The following CCDC85C variants were observed in gnomAD, a reference collection of about 807,000 sequenced individuals.
CCDC85C encodes the protein coiled-coil domain-containing protein 85C.
In CCDC85C, 18 loss-of-function variants were observed where a neutral mutation model predicts 38.3. The ratio of observed to expected loss-of-function variants is 0.47; its 90% confidence interval spans 0.33 to 0.70. CCDC85C has a LOEUF of 0.70. Among genes scored for constraint, CCDC85C ranks in the 30% least tolerant of loss-of-function variants. CCDC85C has a pLI of 0.03. For missense variants in CCDC85C, 566 were observed against 621.2 expected (o/e 0.91, Z 0.94); for synonymous variants, 264 against 293.8 (o/e 0.90, Z 1.04).
At chr14:99,515,828 A>G (rs960289129) in intron 5 of CCDC85C, among the ~76,000 whole-genome samples, 2 of 151,834 alleles carry the variant, frequency 1.3e-5, no homozygotes, top group Non-Finnish European at 2.9e-5. Flanking sequence ...CAGCAGCCAC[A>G]GGGGGCACCA....
In CCDC85C at chr14:99,515,117, CG is replaced by C; in HGVS notation, c.*128del. On this transcript the variant is annotated 3_prime_UTR_variant, in exon 6 of 6. Coordinates refer to ENST00000380243, the MANE Select transcript of CCDC85C (RefSeq NM_001144995.2). Reference sequence around the variant, plus strand: ...ATGGCAGCTGGGCCAGGGCGGGCAGCGTCCTATGTACAGTTCACCACAGAGG... The same window carrying C: ...ATGGCAGCTGGGCCAGGGCGGGCAGCTCCTATGTACAGTTCACCACAGAGG... 1.5e-6 allele frequency: 1 copy of C among 657,092 alleles called. No homozygotes were observed. The highest frequency in any genetic ancestry group is 2.6e-6 in the Non-Finnish European group (1 of 391,772). 40.7% of individuals were successfully genotyped at this position (657,092 alleles called of 1,614,324 possible).
intron 1 of CCDC85C, among the ~76,000 whole-genome samples, chr14:99,601,853 T>C (rs535832999): frequency 1.1e-4 from 17 of 152,094 alleles, no homozygotes; most frequent in African/African-American, 4.1e-4. Flanking sequence ...AGGCTCAGGA[T>C]GGTAAATAAA....
intron 1 of CCDC85C, among the ~76,000 whole-genome samples, chr14:99,563,707 C>T (rs936595424): frequency 6.6e-6 from 1 of 152,226 alleles, no homozygotes; most frequent in Non-Finnish European, 1.5e-5. Context: ...ACATAAATCA[C>T]CCACTCCCGT....
chr14:99,578,107 A>AGTGTGT (rs58957780), intron 1 of CCDC85C, among the ~76,000 whole-genome samples: 7 of 76,102 alleles, frequency 9.2e-5, no homozygotes, highest in Admixed American at 4.0e-4. Context: ...ATCCCCCATC[A>AGTGTGT]GTGTGTGTGT....
At chr14:99,540,108 A>C (rs956360065) in intron 1 of CCDC85C, among the ~76,000 whole-genome samples, 2 of 152,068 alleles carry the variant, frequency 1.3e-5, no homozygotes, top group African/African-American at 4.8e-5. Context: ...AGATCACGCC[A>C]CTGCAGTCCA....
intron 1 of CCDC85C, among the ~76,000 whole-genome samples, chr14:99,551,101 C>CTT (rs2139937013): frequency 6.6e-6 from 1 of 152,350 alleles, no homozygotes; most frequent in Admixed American, 6.5e-5. Context: ...AGTACTGGAA[C>CTT]CACTAGCTGC....
intron 1 of CCDC85C, among the ~76,000 whole-genome samples, chr14:99,567,171 G>A (rs1002126758): frequency 3.5e-5 from 5 of 141,856 alleles, no homozygotes; most frequent in African/African-American, 1.4e-4. Context: ...GCTGATGTAG[G>A]AGGACAGATG....
chr14:99,515,447 G>T, intron 5 of CCDC85C, 112 bp from the exon 6 acceptor site: 3 of 744,550 alleles, frequency 4.0e-6, no homozygotes, highest in African/African-American at 1.7e-5. Context: ...GAGCCATGGG[G>T]CCAGGAGGGA....
intron 1 of CCDC85C, among the ~76,000 whole-genome samples, chr14:99,601,343 C>T (rs2055196726): frequency 6.6e-6 from 1 of 152,168 alleles, no homozygotes; most frequent in Non-Finnish European, 1.5e-5. Context: ...GTGGAAAACT[C>T]AGTGTAGCCT....
chr14:99,591,807 T>C (rs1489508208), intron 1 of CCDC85C, among the ~76,000 whole-genome samples: 5 of 149,918 alleles, frequency 3.3e-5, no homozygotes, highest in Non-Finnish European at 7.4e-5. Flanking sequence ...TGACCTCCGC[T>C]CACGGCAACC....
chr14:99,601,765 G>A (rs962502268), intron 1 of CCDC85C, among the ~76,000 whole-genome samples: 1 of 152,176 alleles, frequency 6.6e-6, no homozygotes, highest in African/African-American at 2.4e-5. Context: ...GTGTTACAAA[G>A]AGAAACCTGA....
At chr14:99,564,566 T>C (rs921268305) in intron 1 of CCDC85C, among the ~76,000 whole-genome samples, 1 of 152,224 alleles carries the variant, frequency 6.6e-6, no homozygotes, top group African/African-American at 2.4e-5. Flanking sequence ...TCTCATCTTG[T>C]AATGTCTCTA....
chr14:99,587,772 T>C (rs1189605097), intron 1 of CCDC85C, among the ~76,000 whole-genome samples: 1 of 152,252 alleles, frequency 6.6e-6, no homozygotes, highest in East Asian at 1.9e-4. Context: ...CTGTGCCCCC[T>C]TACTGCACGG....
rs2055241958 is a variant in CCDC85C at position 99,603,922 on chromosome 14, T to TCCGACG, written c.32_37dup (p.Ala11_Ser12dup). On this transcript the variant is annotated inframe_insertion, in exon 1 of 6. Transcript: ENST00000380243. The surrounding 1 kb of genome is among the most constrained non-coding windows in gnomAD (Gnocchi z 7.5). The stretch of plus-strand genomic sequence containing the variant: ...CTCGTCCGGCACCTGGCTCAGCTCC[T>TCCGACG]CCGACGCCGCCGCCGCCGTCGCCGC... 1 of 1,428,146 alleles carries TCCGACG rather than the reference T, an allele frequency of 7.0e-7. No homozygotes were observed. Among genetic ancestry groups the TCCGACG allele is most frequent in the East Asian group, 3.0e-5 (1 of 33,062 alleles). 88.5% of individuals were successfully genotyped at this position (1,428,146 alleles called of 1,614,324 possible). A position where few individuals can be genotyped will look rare whatever the true frequency, so the allele number is the denominator to read the frequency against.
Position 99,514,915 on chromosome 14 carries a change from A to G in CCDC85C, c.*331T>C, listed in dbSNP as rs1313755548. 1 of 259,980 alleles carries G rather than the reference A, an allele frequency of 3.8e-6. No homozygotes were observed. Among genetic ancestry groups the G allele is most frequent in the African/African-American group, 2.2e-5 (1 of 45,540 alleles). 16.1% of individuals were successfully genotyped at this position (259,980 alleles called of 1,614,324 possible). On this transcript the variant is annotated 3_prime_UTR_variant, in exon 6 of 6. Coordinates refer to ENST00000380243, the MANE Select transcript of CCDC85C (RefSeq NM_001144995.2). Reference sequence around the variant, plus strand: ...CCAGGCAGGACAGAGGAGCCTGGACAGTTCCCAGGCTGGATCTCAGAAGCA... The same window carrying G: ...CCAGGCAGGACAGAGGAGCCTGGACGGTTCCCAGGCTGGATCTCAGAAGCA...
Position 99,513,321 on chromosome 14 carries a change from G to A in CCDC85C, c.*1925C>T, listed in dbSNP as rs1277679957. On this transcript the variant is annotated 3_prime_UTR_variant, in exon 6 of 6. Coordinates refer to ENST00000380243, the MANE Select transcript of CCDC85C (RefSeq NM_001144995.2). ...GTTCTTTGGACTGCAAGACCCAGAGGGGCCTCTGCTCAGCTGCCCACTCGG... is the reference window on the plus strand; with the variant it reads ...GTTCTTTGGACTGCAAGACCCAGAGAGGCCTCTGCTCAGCTGCCCACTCGG... 1 of 152,214 alleles carries A rather than the reference G, an allele frequency of 6.6e-6. No homozygotes were observed. Among genetic ancestry groups the A allele is most frequent in the African/African-American group, 2.4e-5 (1 of 41,458 alleles). The allele number at this position is 152,214 out of a possible 1,614,324, so 9.4% of individuals were successfully genotyped here. A position where few individuals can be genotyped will look rare whatever the true frequency, so the allele number is the denominator to read the frequency against.
chr14:99,562,411 C>G (rs766332173), intron 1 of CCDC85C, among the ~76,000 whole-genome samples: 7 of 152,226 alleles, frequency 4.6e-5, no homozygotes, highest in Non-Finnish European at 8.8e-5. Context: ...CACTGAGGAA[C>G]AGTAACGCGC....
At chr14:99,515,390 C>T in intron 5 of CCDC85C, 55 bp from the exon 6 acceptor site, 1 of 1,314,848 alleles carries the variant, frequency 7.6e-7, no homozygotes. Flanking sequence ...CACCTGCCGC[C>T]TATGCACATC....
chr14:99,567,990 C>G (rs75073043), intron 1 of CCDC85C, among the ~76,000 whole-genome samples: 4,105 of 152,192 alleles, frequency 0.027, 195 homozygotes, highest in African/African-American at 0.093. Flanking sequence ...GACTGCCCCC[C>G]ACTCCCACCC....
Sources: allele counts gnomAD v4.1 joint callset (sites outside exome capture counted in the v4.1 genomes callset), GRCh38; gene constraint gnomAD v4.1.1; non-coding constraint Gnocchi (gnomAD v3.1); transcripts MANE v1.5; gene names NCBI Gene and HGNC (gene_info 2026-07-23, HGNC 2026-07-21).